The following PRELID2 variants were observed in gnomAD, a reference collection of about 807,000 sequenced individuals.
PRELID2 encodes the protein PRELI domain containing 2, also known as PRELI domain-containing protein 2.
PRELID2 carries 25 observed loss-of-function variants against 28.4 expected under a neutral mutation model. The ratio of observed to expected loss-of-function variants is 0.88; its 90% confidence interval spans 0.64 to 1.23. The LOEUF is 1.23. PRELID2 is among the 50% of genes most tolerant of loss of function. PRELID2 has a pLI of 0.00. For missense variants in PRELID2, 201 were observed against 214.4 expected (o/e 0.94, Z 0.39); for synonymous variants, 76 against 71.6 (o/e 1.06, Z -0.31).
At chr5:145,814,336 T>C (rs1214295433) in intron 4 of PRELID2, among the ~76,000 whole-genome samples, 1 of 152,216 alleles carries the variant, frequency 6.6e-6, no homozygotes, top group Admixed American at 6.5e-5. Context: ...TCCATCCTTT[T>C]GCTATTTCTA....
intron 1 of PRELID2, among the ~76,000 whole-genome samples, chr5:145,528,690 TAC>T (rs34302691): frequency 0.023 from 3,026 of 129,464 alleles, 96 homozygotes; most frequent in African/African-American, 0.074. Context: ...CATTCTAAAC[TAC>T]ACACACACAC....
the PRELID2 span, among the ~76,000 whole-genome samples, chr5:145,295,491 T>A: frequency 6.6e-6 from 1 of 152,108 alleles, no homozygotes; most frequent in Admixed American, 6.6e-5. Context: ...AACAAAAAAC[T>A]AAAAGAAATT....
chr5:145,666,764 A>G (rs1256414369), intron 1 of PRELID2, among the ~76,000 whole-genome samples: 1 of 152,098 alleles, frequency 6.6e-6, no homozygotes, highest in Non-Finnish European at 1.5e-5. Flanking sequence ...TGCAGAGACA[A>G]GCATTTCTCG....
intron 4 of PRELID2, among the ~76,000 whole-genome samples, chr5:145,799,915 C>T (rs960112309): frequency 6.6e-6 from 1 of 152,176 alleles, no homozygotes; most frequent in African/African-American, 2.4e-5. Flanking sequence ...TCCCCATTTT[C>T]ACCATAGTGC....
At chr5:145,633,271 A>G (rs1055474291) in intron 1 of PRELID2, among the ~76,000 whole-genome samples, 1 of 152,172 alleles carries the variant, frequency 6.6e-6, no homozygotes, top group Admixed American at 6.5e-5. Context: ...AATCCATAAT[A>G]ATTTGTTATG....
In PRELID2 at chr5:145,801,063, T is replaced by C. The variant is rs187990283; in HGVS notation, c.369-4516A>G. ...GAGCTAAAATGTTAACATTAGGGCA[T>C]TAGAATTATATATGTTATTTACTTG... On this transcript the variant is annotated intron_variant, in intron 4 of 6. Coordinates refer to ENST00000683046, the MANE Select transcript of PRELID2 (RefSeq NM_205846.3). 1.8e-4 allele frequency among the ~76,000 whole-genome samples: 28 copies of C among 152,300 alleles called. No individual in the cohort carries two copies. The East Asian group carries it at 5.2e-3, about 28-fold the overall frequency.
chr5:145,818,943 G>A (rs1754565031), intron 3 of PRELID2, among the ~76,000 whole-genome samples: 1 of 152,168 alleles, frequency 6.6e-6, no homozygotes, highest in Non-Finnish European at 1.5e-5. Flanking sequence ...GACTCAGTGG[G>A]AGGTAACTGA....
downstream of PRELID2, among the ~76,000 whole-genome samples, chr5:145,470,111 C>G (rs1752040742): frequency 6.6e-6 from 1 of 152,132 alleles, no homozygotes; most frequent in South Asian, 2.1e-4. Context: ...AAGGGTGGGA[C>G]AGTTGTCTGT....
the PRELID2 span, among the ~76,000 whole-genome samples, chr5:145,339,971 G>A: frequency 6.6e-6 from 1 of 151,962 alleles, no homozygotes; most frequent in Non-Finnish European, 1.5e-5. Flanking sequence ...CCAAGGTGTG[G>A]GCTAACTTCA....
the PRELID2 span, among the ~76,000 whole-genome samples, chr5:145,454,055 G>A: frequency 1.3e-5 from 2 of 152,006 alleles, no homozygotes; most frequent in African/African-American, 4.8e-5. Context: ...TTTCCACAAT[G>A]GTTGAACTAA....
the PRELID2 span, among the ~76,000 whole-genome samples, chr5:145,440,147 G>C: frequency 3.6e-4 from 54 of 151,998 alleles, no homozygotes; most frequent in Non-Finnish European, 1.5e-5. Context: ...TGGATGAACC[G>C]TTTAAATAAG....
At chr5:145,305,259 T>G in the PRELID2 span, among the ~76,000 whole-genome samples, 62 of 152,166 alleles carry the variant, frequency 4.1e-4, no homozygotes, top group South Asian at 4.1e-4. Flanking sequence ...AAGCTGGCAG[T>G]GAAAAACAAA....
intron 1 of PRELID2, among the ~76,000 whole-genome samples, chr5:145,622,447 T>C (rs911838561): frequency 6.6e-6 from 1 of 152,114 alleles, no homozygotes; most frequent in African/African-American, 2.4e-5. Flanking sequence ...TCCTAAATTA[T>C]ATTCTCCAGG....
intron 1 of PRELID2, among the ~76,000 whole-genome samples, chr5:145,661,207 A>G (rs1754486425): frequency 6.6e-6 from 1 of 152,152 alleles, no homozygotes; most frequent in Admixed American, 6.5e-5. Context: ...ATTTCCAACA[A>G]ATGTTTGAGG....
At chr5:145,653,100 C>T (rs142489932) in intron 1 of PRELID2, among the ~76,000 whole-genome samples, 6,180 of 152,232 alleles carry the variant, frequency 0.041, 201 homozygotes, top group South Asian at 0.082. Context: ...GGGTTGCAAT[C>T]CTAGTCTCTG....
chr5:145,612,592 C>T (rs1312207915), intron 1 of PRELID2, among the ~76,000 whole-genome samples: 3 of 152,084 alleles, frequency 2.0e-5, no homozygotes, highest in Non-Finnish European at 4.4e-5. Flanking sequence ...CTATTAGTAG[C>T]CTTTTATCCC....
At chr5:145,339,851 T>C in the PRELID2 span, among the ~76,000 whole-genome samples, 2 of 152,136 alleles carry the variant, frequency 1.3e-5, no homozygotes, top group South Asian at 4.1e-4. Context: ...CCCTGAGGCA[T>C]GGCTGACACT....
downstream of PRELID2, among the ~76,000 whole-genome samples, chr5:145,466,825 T>C (rs1752006754): frequency 6.6e-6 from 1 of 152,064 alleles, no homozygotes; most frequent in African/African-American, 2.4e-5. Context: ...CCCACTCCCA[T>C]TTAGCAAGCC....
chr5:145,695,529 C>T (rs79613882), intron 1 of PRELID2, among the ~76,000 whole-genome samples: 3,926 of 152,270 alleles, frequency 0.026, 186 homozygotes, highest in African/African-American at 0.089. Context: ...GCTCTTCTTC[C>T]TTGAGTTGTC....
Sources: gnomAD v4.1 joint callset for allele counts (sites outside exome capture counted in the v4.1 genomes callset) on GRCh38, gnomAD v4.1.1 for gene constraint, MANE v1.5 for transcripts, NCBI Gene and HGNC (gene_info 2026-07-23, HGNC 2026-07-21) for gene names.